The following AVEN variants were observed in gnomAD, a reference collection of about 807,000 sequenced individuals.
AVEN encodes the protein apoptosis and caspase activation inhibitor, also known as cell death regulator Aven.
A neutral mutation model predicts 38.1 loss-of-function variants in AVEN; 41 were observed. The ratio of observed to expected loss-of-function variants is 1.08; its 90% CI spans 0.84 to 1.40. The LOEUF (loss-of-function observed/expected upper bound fraction) is 1.40. Among genes scored for constraint, AVEN ranks in the 40% most tolerant of loss-of-function variants. AVEN has a pLI of 0.00. For missense variants in AVEN, 605 were observed against 438.8 expected, an observed-to-expected ratio of 1.38 and a Z score of -3.38; for synonymous variants, 206 against 171.8, an observed-to-expected ratio of 1.20 and a Z score of -1.56.
chr15:33,865,535 A>AAGGAAAGGGCTAGAGAAGT (rs563288163), downstream of AVEN: 122 of 310,010 alleles, frequency 3.9e-4, 1 homozygote, highest in Admixed American at 1.8e-3. Flanking sequence ...TGGAAGCATG[A>AAGGAAAGGGCTAGAGAAGT]AGGAAAGGGC....
chr15:34,025,365 T>C (rs1898410211), intron 1 of AVEN, among the ~76,000 whole-genome samples: 1 of 152,056 alleles, frequency 6.6e-6, no homozygotes, highest in Non-Finnish European at 1.5e-5. Flanking sequence ...TTTAGAGAAA[T>C]AGGCTGAATA....
downstream of AVEN, chr15:33,853,799 T>C: frequency 1.5e-6 from 2 of 1,356,406 alleles, no homozygotes; most frequent in Non-Finnish European, 2.0e-6. Context: ...CTGGCTTAGG[T>C]GTTTCTTCTA....
At chr15:33,857,946 C>G, downstream of AVEN, 1 of 1,610,440 alleles carries the variant, frequency 6.2e-7, no homozygotes, top group Non-Finnish European at 8.5e-7. Flanking sequence ...GGCCAGCCCA[C>G]CCACTGCGGG....
rs371858501 is a variant in AVEN at position 34,014,419 on chromosome 15, G to A, written c.268-11210C>T. 8.1e-5 allele frequency among the ~76,000 whole-genome samples: 11 copies of A among 135,870 alleles called. 1 individual carries two copies. The highest frequency in any genetic ancestry group is 7.9e-4 in the Admixed American group (10 of 12,718). 89.1% of individuals were successfully genotyped at this position (135,870 alleles called of 152,430 possible). A position where few individuals can be genotyped will look rare whatever the true frequency, so the allele number is the denominator to read the frequency against. On this transcript the variant is annotated intron_variant, in intron 1 of 5. Coordinates refer to ENST00000306730, the MANE Select transcript of AVEN (RefSeq NM_020371.3). ...AAACCACGTTTGAGGATTCTGGGAA[G>A]ATGGCAGCAGCAGCAGTATGGTTTT...
intron 2 of AVEN, among the ~76,000 whole-genome samples, chr15:33,995,343 T>C (rs912872408): frequency 6.6e-6 from 1 of 152,182 alleles, no homozygotes; most frequent in African/African-American, 2.4e-5. Flanking sequence ...TAATACAGTA[T>C]AACTTTACAT....
At chr15:33,857,112 C>A (rs1336937345), downstream of AVEN, among the ~76,000 whole-genome samples, 1 of 152,166 alleles carries the variant, frequency 6.6e-6, no homozygotes, top group South Asian at 2.1e-4. Flanking sequence ...TTTACTTACG[C>A]CCAATCTAAT....
chr15:34,051,278 A>G (rs992048615), intron 5 of AVEN, among the ~76,000 whole-genome samples: 5 of 136,396 alleles, frequency 3.7e-5, no homozygotes, highest in Non-Finnish European at 7.8e-5. Context: ...GACAGAAATC[A>G]AGAAGTTCTT....
intron 2 of AVEN, among the ~76,000 whole-genome samples, chr15:34,069,424 C>G (rs573127080): frequency 1.5e-4 from 23 of 151,920 alleles, no homozygotes; most frequent in Non-Finnish European, 2.6e-4. Flanking sequence ...GGCACTCCAG[C>G]CTGAAAACAG....
intron 3 of AVEN, chr15:34,066,360 GTTGGGCAT>G (rs1900510640): frequency 6.6e-6 from 1 of 152,276 alleles, no homozygotes; most frequent in Admixed American, 6.5e-5. Flanking sequence ...TTAAGCCCAT[GTTGGGCAT>G]TCACCATTCG....
At chr15:33,968,063 T>C (rs949818462) in intron 2 of AVEN, among the ~76,000 whole-genome samples, 26 of 79,082 alleles carry the variant, frequency 3.3e-4, no homozygotes, top group East Asian at 8.2e-4. Context: ...AGAAAATAAC[T>C]CAGCAACATG....
intron 1 of AVEN, among the ~76,000 whole-genome samples, chr15:34,021,633 T>A (rs2140718001): frequency 6.6e-6 from 1 of 152,198 alleles, no homozygotes; most frequent in East Asian, 1.9e-4. Context: ...GGTGGGCAGA[T>A]CATTTGAGGT....
chr15:33,895,996 A>G (rs1369352086), intron 2 of AVEN, among the ~76,000 whole-genome samples: 1 of 152,216 alleles, frequency 6.6e-6, no homozygotes, highest in Non-Finnish European at 1.5e-5. Context: ...AGAGAATTCA[A>G]AAGGGTCTTG....
chr15:34,032,023 G>GCA (rs10643932), intron 1 of AVEN, among the ~76,000 whole-genome samples: 20,521 of 148,968 alleles, frequency 0.14, 1,783 homozygotes, highest in African/African-American at 0.25. Flanking sequence ...GCGCGCACAC[G>GCA]CACACACACA....
intron 2 of AVEN, among the ~76,000 whole-genome samples, chr15:33,917,009 G>A (rs1893163694): frequency 6.6e-6 from 1 of 152,112 alleles, no homozygotes; most frequent in South Asian, 2.1e-4. Flanking sequence ...CATGAGAACA[G>A]CATGTGGGTA....
At chr15:33,888,851 A>G (rs1240417300) in intron 2 of AVEN, among the ~76,000 whole-genome samples, 1 of 152,050 alleles carries the variant, frequency 6.6e-6, no homozygotes, top group East Asian at 1.9e-4. Context: ...CCCTGGTTCA[A>G]GTGATTCTCC....
intron 1 of AVEN, among the ~76,000 whole-genome samples, chr15:34,012,877 C>T (rs16958572): frequency 0.016 from 2,489 of 152,278 alleles, 78 homozygotes; most frequent in African/African-American, 0.053. Flanking sequence ...GTTATGTTTA[C>T]TCTTCACCTA....
At chr15:33,879,939 T>C (rs1475411087) in intron 2 of AVEN, among the ~76,000 whole-genome samples, 1 of 152,070 alleles carries the variant, frequency 6.6e-6, no homozygotes, top group East Asian at 1.9e-4. Flanking sequence ...TCAATAAAAA[T>C]AAAAGCAAAC....
At chr15:33,876,888 A>T (rs1322284394) in intron 2 of AVEN, among the ~76,000 whole-genome samples, 1 of 152,230 alleles carries the variant, frequency 6.6e-6, no homozygotes, top group Non-Finnish European at 1.5e-5. Context: ...AGCAGAAATT[A>T]ACCACAAAAG....
upstream of AVEN, among the ~76,000 whole-genome samples, chr15:34,039,713 TAGAA>T (rs1899385180): frequency 6.6e-6 from 1 of 152,174 alleles, no homozygotes. Flanking sequence ...AGAATTTCTG[TAGAA>T]ATGACTACTA....
Sources: gnomAD v4.1 joint callset for allele counts (sites outside exome capture counted in the v4.1 genomes callset) on GRCh38, gnomAD v4.1.1 for gene constraint, MANE v1.5 for transcripts, NCBI Gene and HGNC (gene_info 2026-07-23, HGNC 2026-07-21) for gene names.